TMEM233: variants seen among roughly 807,000 people sequenced by gnomAD.
The protein encoded by TMEM233 is transmembrane protein 233.
In TMEM233, 6 loss-of-function variants were observed where a neutral mutation model predicts 11.2. The ratio of observed to expected loss-of-function variants is 0.54; its 90% CI spans 0.29 to 1.06. The LOEUF is 1.06. TMEM233 is among the 50% of genes least tolerant of loss of function. TMEM233 has a pLI of 0.08. For missense variants in TMEM233, 127 were observed against 144.7 expected (o/e 0.88, Z 0.63); for synonymous variants, 59 against 55.8 (o/e 1.06, Z -0.26).
At chr12:119,615,304 G>A (rs1360094793) in intron 1 of TMEM233, among the ~76,000 whole-genome samples, 1 of 151,416 alleles carries the variant, frequency 6.6e-6, no homozygotes, top group African/African-American at 2.4e-5. Context: ...CAGAAAGTAA[G>A]CCTCATGAGG....
At chr12:119,645,633 C>T (rs1218930609), downstream of TMEM233, among the ~76,000 whole-genome samples, 3 of 152,150 alleles carry the variant, frequency 2.0e-5, no homozygotes, top group Non-Finnish European at 4.4e-5. Context: ...TATGAAGTTG[C>T]CTCTGTGCAT....
At chr12:119,603,722 AG>A in intron 1 of TMEM233, among the ~76,000 whole-genome samples, 1 of 152,278 alleles carries the variant, frequency 6.6e-6, no homozygotes, top group East Asian at 1.9e-4. Context: ...TGTGTATGTG[AG>A]GCCCTTAAGA....
rs868694413 is a variant in TMEM233, at chr12:119,626,766, G to A, written c.187-2970G>A. 3.3e-5 allele frequency among the ~76,000 whole-genome samples: 5 copies of A among 152,154 alleles called. No individual in the cohort carries two copies. In the South Asian group the frequency reaches 8.3e-4, roughly 25 times the overall value. ...GTCTCTGAATACCTCTTCTTTGCCT[G>A]GCAGTGTACTATGTCCTGCAGACCT... On this transcript the variant is annotated intron_variant, in intron 1 of 2. Coordinates refer to ENST00000426426, the MANE Select transcript of TMEM233 (RefSeq NM_001136534.3).
At chr12:119,613,335 G>A (rs775580384) in intron 1 of TMEM233, among the ~76,000 whole-genome samples, 54 of 152,280 alleles carry the variant, frequency 3.5e-4, no homozygotes, top group African/African-American at 6.3e-4. Context: ...ATTAGGCACC[G>A]GAGCAATGAA....
intron 1 of TMEM233, among the ~76,000 whole-genome samples, chr12:119,623,790 CA>C (rs1278826575): frequency 6.6e-6 from 1 of 152,172 alleles, no homozygotes; most frequent in Non-Finnish European, 1.5e-5. Flanking sequence ...AACCACTTGA[CA>C]CACATTAATT....
intron 2 of TMEM233, among the ~76,000 whole-genome samples, chr12:119,637,490 A>G (rs189600164): frequency 1.9e-4 from 29 of 152,304 alleles, no homozygotes; most frequent in Admixed American, 7.8e-4. Flanking sequence ...AATATCCTTC[A>G]ATTGCATCAG....
intron 1 of TMEM233, among the ~76,000 whole-genome samples, chr12:119,603,159 T>C (rs1037327750): frequency 2.0e-5 from 3 of 152,068 alleles, no homozygotes; most frequent in African/African-American, 7.2e-5. Flanking sequence ...TAATCCAAGC[T>C]ACCCAAAAGG....
intron 2 of TMEM233, chr12:119,631,624 A>C (rs1954888503): frequency 1.0e-6 from 1 of 985,334 alleles, no homozygotes; most frequent in Admixed American, 6.1e-5. Flanking sequence ...TATTCTTAAG[A>C]GAAGGTGTAA....
chr12:119,636,374 T>C (rs1223142760), intron 2 of TMEM233, among the ~76,000 whole-genome samples: 2 of 152,206 alleles, frequency 1.3e-5, no homozygotes, highest in African/African-American at 4.8e-5. Context: ...AAATATTTCT[T>C]ATTGTTATTA....
At chr12:119,605,197 T>C (rs986187248) in intron 1 of TMEM233, among the ~76,000 whole-genome samples, 2 of 152,068 alleles carry the variant, frequency 1.3e-5, no homozygotes, top group South Asian at 4.1e-4. Context: ...ATTATAACAT[T>C]TATACATTTG....
chr12:119,649,201 G>A, the TMEM233 span, among the ~76,000 whole-genome samples: 1 of 152,146 alleles, frequency 6.6e-6, no homozygotes, highest in Non-Finnish European at 1.5e-5. Flanking sequence ...GGGAAGCTGA[G>A]GCAGGAGAAT....
At chr12:119,614,836 T>C (rs1462288637) in intron 1 of TMEM233, among the ~76,000 whole-genome samples, 2 of 152,176 alleles carry the variant, frequency 1.3e-5, no homozygotes, top group Non-Finnish European at 2.9e-5. Context: ...TAGTGGTTAG[T>C]CCAGGGCCTG....
At chr12:119,619,258 T>C (rs916113925) in intron 1 of TMEM233, among the ~76,000 whole-genome samples, 28 of 152,158 alleles carry the variant, frequency 1.8e-4, no homozygotes, top group Non-Finnish European at 3.4e-4. Flanking sequence ...CTTTCCTTTA[T>C]AAATTGCCCA....
At chr12:119,602,024 T>C (rs1954178959) in intron 1 of TMEM233, among the ~76,000 whole-genome samples, 1 of 152,156 alleles carries the variant, frequency 6.6e-6, no homozygotes, top group African/African-American at 2.4e-5. Flanking sequence ...CACAACCCAT[T>C]ATCTGGTTGT....
chr12:119,632,861 T>G (rs1954912610), intron 2 of TMEM233, among the ~76,000 whole-genome samples: 1 of 152,192 alleles, frequency 6.6e-6, no homozygotes, highest in African/African-American at 2.4e-5. Flanking sequence ...CACTATCTAC[T>G]TTGCAGTCTC....
chr12:119,596,344 G>A (rs1428573265), intron 1 of TMEM233, among the ~76,000 whole-genome samples: 6 of 152,180 alleles, frequency 3.9e-5, no homozygotes, highest in Non-Finnish European at 8.8e-5. Flanking sequence ...AGATGGTAGT[G>A]ACAGGTCAGA....
chr12:119,633,208 C>T (rs1954918925), intron 2 of TMEM233, among the ~76,000 whole-genome samples: 1 of 152,088 alleles, frequency 6.6e-6, no homozygotes, highest in African/African-American at 2.4e-5. Context: ...GCCTCAATTT[C>T]CCTAACTATA....
rs935348915 is a variant in TMEM233 at position 119,614,653 on chromosome 12, C to T, written c.187-15083C>T. Among the ~76,000 whole-genome samples the T allele has an allele frequency of 8.5e-5, 13 of 152,182 alleles. No individual in the cohort carries two copies. The East Asian group carries it at 2.1e-3, about 25-fold the overall frequency. On this transcript the variant is annotated intron_variant, in intron 1 of 2. Coordinates refer to ENST00000426426, the MANE Select transcript of TMEM233 (RefSeq NM_001136534.3). ...AGGGCTTTGTGGATGGATGCACTAA[C>T]TTTTGGTTACATTTGTAGTCCCCTT...
At chr12:119,635,918 G>C (rs1469662918) in intron 2 of TMEM233, among the ~76,000 whole-genome samples, 1 of 152,174 alleles carries the variant, frequency 6.6e-6, no homozygotes. Context: ...AAGGGGCGTG[G>C]TGTTTCCATG....
Sources: allele counts gnomAD v4.1 joint callset (sites outside exome capture counted in the v4.1 genomes callset), GRCh38; gene constraint gnomAD v4.1.1; transcripts MANE v1.5; gene names NCBI Gene and HGNC (gene_info 2026-07-23, HGNC 2026-07-21).